Variants in YWHAE observed in about 807,000 individuals in gnomAD.
YWHAE encodes the protein tyrosine 3-monooxygenase/tryptophan 5-monooxygenase activation protein epsilon.
Under a neutral mutation model 30.1 loss-of-function variants are expected in YWHAE, and 4 were observed. The observed-to-expected ratio is 0.13, with a 90% CI of 0.07 to 0.30. The LOEUF is 0.30. Among genes scored for constraint, YWHAE ranks in the 10% least tolerant of loss-of-function variants. The pLI, the probability that YWHAE is intolerant of heterozygous loss-of-function variation, is 1.00. For missense variants in YWHAE, 121 were observed against 315.9 expected, an observed-to-expected ratio of 0.38 and a Z score of 4.68; for synonymous variants, 118 against 111.8, an observed-to-expected ratio of 1.06 and a Z score of -0.35.
At chr17:1,349,682 C>G (rs1264771049) in intron 5 of YWHAE, among the ~76,000 whole-genome samples, 1 of 151,088 alleles carries the variant, frequency 6.6e-6, no homozygotes, top group Non-Finnish European at 1.5e-5. Flanking sequence ...GGTGCTATCT[C>G]GGCTCACTGC....
At chr17:1,395,229 C>A (rs2073451114) in intron 1 of YWHAE, among the ~76,000 whole-genome samples, 2 of 151,778 alleles carry the variant, frequency 1.3e-5, no homozygotes, top group South Asian at 4.2e-4. Flanking sequence ...CCTGTCTCTA[C>A]CAAAAACACA....
intron 1 of YWHAE, among the ~76,000 whole-genome samples, chr17:1,381,299 G>A (rs2073202215): frequency 6.6e-6 from 1 of 151,906 alleles, no homozygotes; most frequent in African/African-American, 2.4e-5. Flanking sequence ...TGACTCACCT[G>A]AGGTCAGGAG....
At chr17:1,389,102 A>T (rs1382290297) in intron 1 of YWHAE, among the ~76,000 whole-genome samples, 2 of 152,060 alleles carry the variant, frequency 1.3e-5, no homozygotes, top group African/African-American at 4.8e-5. Context: ...AGTAGCTGAG[A>T]CTACAGACAC....
chr17:1,374,956 T>C (rs540514967), intron 1 of YWHAE, among the ~76,000 whole-genome samples: 2 of 152,108 alleles, frequency 1.3e-5, no homozygotes, highest in East Asian at 1.9e-4. Context: ...CCTGACTGTA[T>C]GTCGTGCAGT....
chr17:1,357,627 T>G (rs978523770), intron 4 of YWHAE, among the ~76,000 whole-genome samples: 7 of 151,580 alleles, frequency 4.6e-5, no homozygotes, highest in African/African-American at 1.7e-4. Flanking sequence ...CAATATTTAC[T>G]GTAAAAATTT....
intron 4 of YWHAE, among the ~76,000 whole-genome samples, chr17:1,359,093 G>GGT (rs1227309463): frequency 6.7e-6 from 1 of 150,228 alleles, no homozygotes; most frequent in Non-Finnish European, 1.5e-5. Context: ...CCAAGATCAC[G>GGT]CCACTGCACT....
At chr17:1,348,078 A>C in intron 5 of YWHAE, 1 of 817,074 alleles carries the variant, frequency 1.2e-6, no homozygotes, top group Non-Finnish European at 1.5e-6. Context: ...ATAAACCAAC[A>C]GAGCAGGACA....
chr17:1,347,975 T>C (rs1275989160), intron 5 of YWHAE: 10 of 1,011,948 alleles, frequency 9.9e-6, no homozygotes, highest in Non-Finnish European at 1.2e-5. Flanking sequence ...GTAGAGTTTT[T>C]AGGAAAGGAA....
At chr17:1,383,258 G>C (rs2073244233) in intron 1 of YWHAE, among the ~76,000 whole-genome samples, 1 of 152,098 alleles carries the variant, frequency 6.6e-6, no homozygotes, top group Non-Finnish European at 1.5e-5. Flanking sequence ...GCTGAGGCAG[G>C]AGAATTGCTT....
At chr17:1,371,770 CAAT>C (rs1020393010) in intron 1 of YWHAE, among the ~76,000 whole-genome samples, 29 of 151,540 alleles carry the variant, frequency 1.9e-4, no homozygotes, top group African/African-American at 6.3e-4. Flanking sequence ...TGGTCACCAT[CAAT>C]AATGTTAGCT....
At chr17:1,349,418 T>A (rs2072583691) in intron 5 of YWHAE, among the ~76,000 whole-genome samples, 2 of 152,210 alleles carry the variant, frequency 1.3e-5, no homozygotes, top group Admixed American at 1.3e-4. Flanking sequence ...ATTTGTGTAT[T>A]CAGAGTTTGT....
At position 1,381,735 on chromosome 17, in the gene YWHAE, G is replaced by A. The variant is rs368931775; in HGVS notation, c.65-16677C>T. ...GTTCAAGACCAGCCTAGGAGACATG[G>A]CGAAACCCTGTCTCTACAAAAAAAT... On this transcript the variant is annotated intron_variant, in intron 1 of 5. Coordinates refer to ENST00000264335, the MANE Select transcript of YWHAE (RefSeq NM_006761.5). Among the ~76,000 whole-genome samples the A allele has an allele frequency of 8.6e-5, 13 of 151,882 alleles. No homozygotes were observed. In the East Asian group the frequency reaches 1.6e-3, roughly 18 times the overall value.
At chr17:1,346,632 CTG>C (rs957109227) in intron 5 of YWHAE, among the ~76,000 whole-genome samples, 8 of 152,212 alleles carry the variant, frequency 5.3e-5, no homozygotes, top group African/African-American at 1.9e-4. Flanking sequence ...CTTGACATTG[CTG>C]TGTGACTTCA....
rs149420844 is a variant in YWHAE at position 1,391,550 on chromosome 17, T to G, written c.64+8497A>C. 2.6e-5 allele frequency among the ~76,000 whole-genome samples: 4 copies of G among 152,370 alleles called. No homozygotes were observed. The East Asian group carries it at 7.7e-4, about 29-fold the overall frequency. On this transcript the variant is annotated intron_variant, in intron 1 of 5. Coordinates refer to ENST00000264335, the MANE Select transcript of YWHAE (RefSeq NM_006761.5). ...AAATTATGGTGACTTTCATTATTAT[T>G]TGCTACAATTTAATAAATTTAAATG...
intron 4 of YWHAE, among the ~76,000 whole-genome samples, chr17:1,359,812 TTGTGTGTGTGTGTGTGTG>T (rs59650315): frequency 3.9e-4 from 51 of 130,716 alleles, no homozygotes; most frequent in South Asian, 5.4e-4. Flanking sequence ...CACTAAATTG[TTGTGTGTGTGTGTGTGTG>T]TGTGTGTGTG....
chr17:1,366,169 T>C (rs2072938505), intron 1 of YWHAE, among the ~76,000 whole-genome samples: 1 of 147,468 alleles, frequency 6.8e-6, no homozygotes, highest in Non-Finnish European at 1.5e-5. Context: ...TGAGCCAAGA[T>C]CATGCCGCTG....
intron 1 of YWHAE, among the ~76,000 whole-genome samples, chr17:1,391,150 G>A (rs778829835): frequency 6.6e-6 from 1 of 152,330 alleles, no homozygotes; most frequent in African/African-American, 2.4e-5. Context: ...ACCATCAGAG[G>A]ATTTGGAATG....
At chr17:1,348,829 C>T (rs1246028421) in intron 5 of YWHAE, among the ~76,000 whole-genome samples, 1 of 151,626 alleles carries the variant, frequency 6.6e-6, no homozygotes, top group South Asian at 2.1e-4. Context: ...TGAGACCATC[C>T]GGGTTAACAC....
At position 1,380,641 on chromosome 17, in the gene YWHAE, C is replaced by G. The variant is rs61245381; in HGVS notation, c.65-15583G>C. On this transcript the variant is annotated intron_variant, in intron 1 of 5. Transcript: ENST00000264335. ...CAAAAAAACAAAACCGGAATCCAGA[C>G]GGGTGGGGGTGTTAATGTGCCTGAT... 4.5e-3 allele frequency among the ~76,000 whole-genome samples: 682 copies of G among 152,242 alleles called. 6 individuals are homozygous for G. Among genetic ancestry groups the G allele is most frequent in the African/African-American group, 0.015 (636 of 41,550 alleles).
Sources: gnomAD v4.1 joint callset for allele counts (sites outside exome capture counted in the v4.1 genomes callset) on GRCh38, gnomAD v4.1.1 for gene constraint, MANE v1.5 for transcripts, NCBI Gene and HGNC (gene_info 2026-07-23, HGNC 2026-07-21) for gene names.